Variants in GOLIM4 observed in about 807,000 individuals in gnomAD.
GOLIM4 encodes golgi integral membrane protein 4, also known as 130 kDa golgi-localized phosphoprotein.
In GOLIM4, 71 loss-of-function variants were observed where a neutral mutation model predicts 107.4. The ratio of observed to expected loss-of-function variants is 0.66; its 90% CI spans 0.55 to 0.81. GOLIM4 has a LOEUF of 0.81. GOLIM4 is among the 30% of genes least tolerant of loss of function. The probability of loss-of-function intolerance (pLI) is 0.00; values close to 1 mark genes in which losing one functional copy is unlikely to be tolerated. For synonymous variants in GOLIM4, 327 were observed against 294.8 expected (o/e 1.11, Z -1.12); for missense variants, 830 against 826.1 (o/e 1.00, Z -0.06).
In GOLIM4 at chr3:168,081,288, G is replaced by A. The variant is rs117164803; in HGVS notation, c.187+13811C>T. On this transcript the variant is annotated intron_variant, in intron 1 of 15. Transcript: ENST00000470487. ...GTCACCCTGGGACCCAATCCTTATG[G>A]AGCCTGCCTAGATCCTCCAGCACAT... Among the ~76,000 whole-genome samples, 91 of 152,264 alleles carry A rather than the reference G, an allele frequency of 6.0e-4. No individual in the cohort carries two copies. The East Asian group carries it at 0.016, about 27-fold the overall frequency.
intron 1 of GOLIM4, among the ~76,000 whole-genome samples, chr3:168,084,762 A>G (rs1444641375): frequency 6.6e-6 from 1 of 152,212 alleles, no homozygotes; most frequent in Admixed American, 6.5e-5. Flanking sequence ...GGACCTTAAG[A>G]AAAGTGTTAG....
chr3:168,076,831 C>T (rs1721106974), intron 1 of GOLIM4, among the ~76,000 whole-genome samples: 1 of 152,114 alleles, frequency 6.6e-6, no homozygotes, highest in African/African-American at 2.4e-5. Context: ...TCATAAAAAT[C>T]CAGTATGAAA....
At chr3:168,025,152 T>G in intron 12 of GOLIM4, 57 bp from the exon 13 acceptor site, 5 of 1,439,840 alleles carry the variant, frequency 3.5e-6, no homozygotes, top group Non-Finnish European at 4.8e-6. Flanking sequence ...CAAGTTTAAT[T>G]TCATTTGAAA....
chr3:168,095,129 G>A lies in GOLIM4; in HGVS notation c.157C>T (p.His53Tyr), dbSNP rs1416814502. The part of the protein sequence containing the change: ...AEAVALKYQQ[H>Y]QESLSAQLQV... The stretch of plus-strand genomic sequence containing the variant: ...AACTGGGCGGAGAGGGACTCCTGGT[G>A]CTGCTGGTACTTGAGCGCCACCGCC... Residue 53 changes from histidine (H) to tyrosine (Y), a missense_variant, in exon 1 of 16, where the codon CAC (histidine) becomes TAC (tyrosine). By Grantham distance (83) the His-to-Tyr change is moderately conservative. Transcript: ENST00000470487. The A allele has an allele frequency of 6.2e-7, 1 of 1,607,912 alleles. No individual in the cohort carries two copies. Among genetic ancestry groups the A allele is most frequent in the East Asian group, 2.2e-5 (1 of 44,590 alleles).
chr3:168,079,998 T>C (rs2108287601), intron 1 of GOLIM4, among the ~76,000 whole-genome samples: 1 of 152,316 alleles, frequency 6.6e-6, no homozygotes, highest in East Asian at 1.9e-4. Flanking sequence ...TTGTTGCTAA[T>C]ACATGATGCT....
chr3:168,089,226 T>C (rs1721777095), intron 1 of GOLIM4, among the ~76,000 whole-genome samples: 1 of 152,196 alleles, frequency 6.6e-6, no homozygotes. Flanking sequence ...CAAGCAAAAA[T>C]GATAGTCTCT....
At chr3:168,039,648 G>A (rs1158167665) in intron 7 of GOLIM4, among the ~76,000 whole-genome samples, 1 of 152,084 alleles carries the variant, frequency 6.6e-6, no homozygotes, top group African/African-American at 2.4e-5. Context: ...TCAAATAAAT[G>A]ATTTTACTTA....
chr3:168,087,071 A>T (rs1369890149), intron 1 of GOLIM4, among the ~76,000 whole-genome samples: 2 of 152,170 alleles, frequency 1.3e-5, no homozygotes, highest in Non-Finnish European at 2.9e-5. Context: ...CCTAAACTTC[A>T]GACATGCAGG....
chr3:168,042,938 G>C (rs2108245898), intron 5 of GOLIM4, among the ~76,000 whole-genome samples: 1 of 152,288 alleles, frequency 6.6e-6, no homozygotes, highest in African/African-American at 2.4e-5. Context: ...TATAGAACTT[G>C]AGCTTTTTTC....
At chr3:168,046,520 C>T (rs9820670) in intron 3 of GOLIM4, among the ~76,000 whole-genome samples, 31,896 of 152,076 alleles carry the variant, frequency 0.21, 3,863 homozygotes, top group Middle Eastern at 0.29. Context: ...AGCATGCTGC[C>T]TTCAAGTAAA....
In GOLIM4 at chr3:168,067,121, T is replaced by A. The variant is rs182053467; in HGVS notation, c.188-18756A>T. ...TTCTTTCACTTTTGCTTTAGAATCT[T>A]GAAAACACACTGGGTAAATTTTTTG... On this transcript the variant is annotated intron_variant, in intron 1 of 15. Coordinates refer to ENST00000470487, the MANE Select transcript of GOLIM4 (RefSeq NM_014498.5). 5.3e-5 allele frequency among the ~76,000 whole-genome samples: 8 copies of A among 152,228 alleles called. No homozygotes were observed. In the East Asian group the frequency reaches 1.3e-3, roughly 26 times the overall value.
intron 8 of GOLIM4, 121 bp downstream of exon 8, chr3:168,036,715 A>G (rs1297280167): frequency 7.2e-6 from 5 of 697,922 alleles, no homozygotes; most frequent in South Asian, 4.8e-5. Context: ...CAATTCTGAT[A>G]TACTAAAATT....
chr3:168,091,019 G>T (rs1577584354), intron 1 of GOLIM4, among the ~76,000 whole-genome samples: 1 of 142,588 alleles, frequency 7.0e-6, no homozygotes, highest in South Asian at 2.1e-4. Context: ...AAAGGTGGGA[G>T]GCTAGCAGGG....
intron 1 of GOLIM4, among the ~76,000 whole-genome samples, chr3:168,061,409 G>A (rs1720265226): frequency 1.3e-5 from 2 of 152,176 alleles, no homozygotes; most frequent in South Asian, 4.1e-4. Flanking sequence ...AAAACTGATA[G>A]TGTTAACTAA....
chr3:168,033,478 G>A (rs1456311313), intron 8 of GOLIM4, among the ~76,000 whole-genome samples: 1 of 151,288 alleles, frequency 6.6e-6, no homozygotes, highest in Non-Finnish European at 1.5e-5. Context: ...GTGGTGGCGG[G>A]CGCCTGTAGT....
rs1336661930 is a variant in GOLIM4, at chr3:168,095,534, C to G, written c.-249G>C. 9 of 476,978 alleles carry G rather than the reference C, an allele frequency of 1.9e-5. No individual in the cohort carries two copies. Among genetic ancestry groups the G allele is most frequent in the Admixed American group, 4.2e-5 (1 of 23,608 alleles). 29.5% of individuals were successfully genotyped at this position (476,978 alleles called of 1,614,324 possible). ...GCGAGGCTCGTTCTCCGCGAATGCC[C>G]GGGGCCGGGAGGAGGCCCTCCGCAT... On this transcript the variant is annotated 5_prime_UTR_variant, in exon 1 of 16. Transcript: ENST00000470487.
At chr3:168,087,257 A>G (rs1393489995) in intron 1 of GOLIM4, among the ~76,000 whole-genome samples, 1 of 152,192 alleles carries the variant, frequency 6.6e-6, no homozygotes, top group Admixed American at 6.5e-5. Flanking sequence ...ATGATTGGTA[A>G]TAGATTTAAT....
rs1420890137 is a variant in GOLIM4 at position 168,010,190 on chromosome 3, A to AG, written c.*78dup. 1 of 1,274,404 alleles carries AG rather than the reference A, an allele frequency of 7.8e-7. No homozygotes were observed. Among genetic ancestry groups the AG allele is most frequent in the Admixed American group, 2.4e-5 (1 of 40,920 alleles). The allele number at this position is 1,274,404 out of a possible 1,614,324, so 78.9% of individuals were successfully genotyped here. The stretch of plus-strand genomic sequence containing the variant: ...CTTAATTTTTGTAATTAAATATCCT[A>AG]GAGTTCAGTAGGCAGATTTATGTTT... On this transcript the variant is annotated 3_prime_UTR_variant, in exon 16 of 16. Coordinates refer to ENST00000470487, the MANE Select transcript of GOLIM4 (RefSeq NM_014498.5).
intron 1 of GOLIM4, among the ~76,000 whole-genome samples, chr3:168,091,927 T>C (rs533694565): frequency 2.6e-5 from 4 of 152,312 alleles, no homozygotes; most frequent in African/African-American, 9.6e-5. Flanking sequence ...ACAAGTAAAG[T>C]AAATGCACGG....
Sources: gnomAD v4.1 joint callset for allele counts (sites outside exome capture counted in the v4.1 genomes callset) on GRCh38, gnomAD v4.1.1 for gene constraint, MANE v1.5 for transcripts, NCBI Gene and HGNC (gene_info 2026-07-23, HGNC 2026-07-21) for gene names.